Variants in LSAMP observed in about 807,000 individuals in gnomAD.
LSAMP encodes limbic system-associated membrane protein.
A neutral mutation model predicts 38.6 loss-of-function variants in LSAMP; 7 were observed. That is an observed-to-expected ratio of 0.18 (90% CI 0.10 to 0.34). The LOEUF (loss-of-function observed/expected upper bound fraction) is 0.34. LSAMP is among the 10% of genes least tolerant of loss of function. The probability of loss-of-function intolerance (pLI) is 1.00; values close to 1 mark genes in which losing one functional copy is unlikely to be tolerated. For synonymous variants in LSAMP, 154 were observed against 166.8 expected (o/e 0.92, Z 0.59); for missense variants, 313 against 420.0 (o/e 0.75, Z 2.23).
intron 6 of LSAMP, among the ~76,000 whole-genome samples, chr3:115,833,462 G>T (rs1312712025): frequency 6.8e-6 from 1 of 147,020 alleles, no homozygotes; most frequent in Non-Finnish European, 1.5e-5. Flanking sequence ...TTATTAAACT[G>T]TCTAGTTGAT....
intron 3 of LSAMP, among the ~76,000 whole-genome samples, chr3:115,947,726 A>G (rs1370224572): frequency 2.0e-5 from 3 of 152,230 alleles, no homozygotes; most frequent in African/African-American, 7.2e-5. Flanking sequence ...CCCATGCTGA[A>G]AGACTCCAAC....
intron 1 of LSAMP, among the ~76,000 whole-genome samples, chr3:116,207,899 G>C (rs1281380011): frequency 6.6e-6 from 1 of 150,916 alleles, no homozygotes; most frequent in Non-Finnish European, 1.5e-5. Context: ...TCTTCTCGAG[G>C]AGTATCTTTG....
At chr3:116,225,707 G>C (rs2046334997) in intron 1 of LSAMP, among the ~76,000 whole-genome samples, 1 of 151,182 alleles carries the variant, frequency 6.6e-6, no homozygotes, top group Non-Finnish European at 1.5e-5. Context: ...AATAATAGCA[G>C]TTGTTAAGCC....
At chr3:116,076,388 G>A (rs2107397771) in intron 2 of LSAMP, among the ~76,000 whole-genome samples, 1 of 152,178 alleles carries the variant, frequency 6.6e-6, no homozygotes, top group Non-Finnish European at 1.5e-5. Context: ...CTCCCGAGTA[G>A]CTGGGACTAT....
At chr3:116,333,536 A>G (rs2047880072) in intron 1 of LSAMP, among the ~76,000 whole-genome samples, 1 of 149,930 alleles carries the variant, frequency 6.7e-6, no homozygotes, top group African/African-American at 2.5e-5. Context: ...TCCATCTCAA[A>G]AAAAAAAAAA....
In LSAMP at chr3:116,049,734, C is replaced by T. The variant is rs1431582517; in HGVS notation, c.389-30094G>A. Reference sequence around the variant, plus strand: ...CTATTTATAATATGAATTATAAGCCCTCAGAAATTAGAGAAAAATATGAAT... The same window carrying T: ...CTATTTATAATATGAATTATAAGCCTTCAGAAATTAGAGAAAAATATGAAT... On this transcript the variant is annotated intron_variant, in intron 2 of 6. Transcript: ENST00000490035. 3.9e-5 allele frequency among the ~76,000 whole-genome samples: 6 copies of T among 152,022 alleles called. No individual in the cohort carries two copies. The East Asian group carries it at 9.6e-4, about 24-fold the overall frequency.
At chr3:116,346,834 T>G (rs185761389) in intron 1 of LSAMP, among the ~76,000 whole-genome samples, 2 of 152,202 alleles carry the variant, frequency 1.3e-5, no homozygotes, top group African/African-American at 4.8e-5. Context: ...CCTAGAGCAG[T>G]GGTCTTCTAA....
At chr3:116,193,187 T>C (rs1710795129) in intron 1 of LSAMP, among the ~76,000 whole-genome samples, 1 of 152,266 alleles carries the variant, frequency 6.6e-6, no homozygotes, top group African/African-American at 2.4e-5. Flanking sequence ...GAGACTGCTA[T>C]GCTTGCAATT....
At chr3:116,403,145 T>C (rs2048859396) in intron 1 of LSAMP, among the ~76,000 whole-genome samples, 1 of 152,196 alleles carries the variant, frequency 6.6e-6, no homozygotes, top group Non-Finnish European at 1.5e-5. Context: ...AAAGTGGATT[T>C]TTTGAAAGTG....
chr3:115,832,203 T>C (rs1356079383), intron 6 of LSAMP, among the ~76,000 whole-genome samples: 2 of 152,096 alleles, frequency 1.3e-5, no homozygotes, highest in Admixed American at 1.3e-4. Context: ...TACATCTTTG[T>C]GAGGTTGGAA....
intron 1 of LSAMP, among the ~76,000 whole-genome samples, chr3:116,165,950 A>C (rs559598431): frequency 5.9e-5 from 9 of 152,222 alleles, no homozygotes; most frequent in African/African-American, 2.2e-4. Context: ...AGCCCTTATT[A>C]CCATCTAAAA....
chr3:116,035,373 C>A (rs1349363793), intron 2 of LSAMP, among the ~76,000 whole-genome samples: 2 of 152,090 alleles, frequency 1.3e-5, no homozygotes, highest in African/African-American at 4.8e-5. Flanking sequence ...ATTATAGGTC[C>A]TAACCTGGAG....
chr3:116,406,624 A>G (rs1450961645), intron 1 of LSAMP, among the ~76,000 whole-genome samples: 4 of 152,114 alleles, frequency 2.6e-5, no homozygotes, highest in East Asian at 3.9e-4. Context: ...GGAATTGAGT[A>G]GAAAATGATT....
At chr3:115,959,996 G>A (rs1471306497) in intron 3 of LSAMP, among the ~76,000 whole-genome samples, 1 of 152,064 alleles carries the variant, frequency 6.6e-6, no homozygotes, top group African/African-American at 2.4e-5. Context: ...TGGTGTCTTG[G>A]GGTCTACGCC....
intron 3 of LSAMP, among the ~76,000 whole-genome samples, chr3:115,954,195 T>A (rs1439738965): frequency 6.6e-6 from 1 of 152,232 alleles, no homozygotes; most frequent in Non-Finnish European, 1.5e-5. Context: ...TTATTTGGAA[T>A]GTCTGCAACT....
At chr3:115,991,950 C>G in intron 3 of LSAMP, among the ~76,000 whole-genome samples, 1 of 152,022 alleles carries the variant, frequency 6.6e-6, no homozygotes, top group East Asian at 1.9e-4. Context: ...TTCTTTTCCC[C>G]ACCCATGTTT....
intron 2 of LSAMP, among the ~76,000 whole-genome samples, chr3:116,065,851 T>C (rs1380431576): frequency 2.6e-5 from 4 of 152,232 alleles, no homozygotes; most frequent in Non-Finnish European, 4.4e-5. Context: ...GCTCAAATCA[T>C]GACACTGGCA....
At chr3:116,059,821 ATG>A (rs775727676) in intron 2 of LSAMP, among the ~76,000 whole-genome samples, 19 of 152,336 alleles carry the variant, frequency 1.2e-4, no homozygotes, top group Non-Finnish European at 2.6e-4. Context: ...TTGCCCTAGC[ATG>A]TGAGTGCTTG....
intron 1 of LSAMP, among the ~76,000 whole-genome samples, chr3:116,336,390 GA>G (rs2047920094): frequency 6.6e-6 from 1 of 151,914 alleles, no homozygotes; most frequent in Non-Finnish European, 1.5e-5. Flanking sequence ...AGAATATGGA[GA>G]AAGTACCTAA....
Sources: gnomAD v4.1 joint callset for allele counts (sites outside exome capture counted in the v4.1 genomes callset) on GRCh38, gnomAD v4.1.1 for gene constraint, MANE v1.5 for transcripts, NCBI Gene and HGNC (gene_info 2026-07-23, HGNC 2026-07-21) for gene names.